The following PKHD1L1 variants were observed in gnomAD, a reference collection of about 807,000 sequenced individuals.
PKHD1L1 encodes fibrocystin-L.
PKHD1L1 carries 434 observed loss-of-function variants against 462.9 expected under a neutral mutation model. The observed-to-expected ratio is 0.94, with a 90% CI of 0.87 to 1.02. The LOEUF is 1.02. PKHD1L1 is among the 50% of genes least tolerant of loss of function. The pLI, the probability that PKHD1L1 is intolerant of heterozygous loss-of-function variation, is 0.00. For missense variants in PKHD1L1, 5,202 were observed against 5,096.1 expected, an observed-to-expected ratio of 1.02 and a Z score of -0.63; for synonymous variants, 1,781 against 1,750.0, an observed-to-expected ratio of 1.02 and a Z score of -0.44.
At chr8:109,398,597 A>AAT in intron 12 of PKHD1L1, 49 bp downstream of exon 12, 1 of 750,672 alleles carries the variant, frequency 1.3e-6, no homozygotes, top group Non-Finnish European at 2.0e-6. Flanking sequence ...ACATAAAAAG[A>AAT]ATATATTAGT....
Position 109,464,255 on chromosome 8 carries a change from C to T in PKHD1L1, c.7423C>T (p.Pro2475Ser), listed in dbSNP as rs2130829215. The T allele has an allele frequency of 1.2e-6, 2 of 1,611,088 alleles. No individual in the cohort carries two copies. The highest frequency in any genetic ancestry group is 8.5e-7 in the Non-Finnish European group (1 of 1,177,872). ...AGQAFRLGRY[P>S]IHWHLLGDLQ... The stretch of plus-strand genomic sequence containing the variant: ...CCAGGCTTTCCGGTTGGGGCGATAT[C>T]CAATACATTGGCACCTGCTTGGAGA... Residue 2475 changes from proline (P) to serine (S), a missense_variant, in exon 49 of 78, where the codon CCA becomes TCA. Physicochemically the swap from Pro to Ser is moderately conservative, Grantham distance 74. Coordinates refer to ENST00000378402, the MANE Select transcript of PKHD1L1 (RefSeq NM_177531.6).
intron 36 of PKHD1L1, 47 bp from the exon 37 acceptor site, chr8:109,443,629 T>G (rs1040536035): frequency 1.4e-6 from 2 of 1,387,786 alleles, no homozygotes; most frequent in Non-Finnish European, 2.0e-6. Context: ...ACAGTTATCA[T>G]TTTGGAATGT....
chr8:109,405,398 A>G (rs546893529), intron 16 of PKHD1L1, among the ~76,000 whole-genome samples: 9 of 152,268 alleles, frequency 5.9e-5, no homozygotes, highest in African/African-American at 2.2e-4. Flanking sequence ...TATATTTGCT[A>G]CTCATAGGTG....
chr8:109,483,145 A>T (rs1378021360), intron 57 of PKHD1L1, 40 bp downstream of exon 57: 1 of 1,413,902 alleles, frequency 7.1e-7, no homozygotes, highest in East Asian at 2.6e-5. Context: ...GAATATACAC[A>T]GTGGGTCAGC....
intron 77 of PKHD1L1, 84 bp downstream of exon 77, chr8:109,527,104 G>C: frequency 8.7e-7 from 1 of 1,143,614 alleles, no homozygotes; most frequent in Non-Finnish European, 1.2e-6. Flanking sequence ...CACAGCTCTT[G>C]TGCATGATAT....
At chr8:109,441,516 C>T in intron 34 of PKHD1L1, 137 bp downstream of exon 34, 1 of 632,458 alleles carries the variant, frequency 1.6e-6, no homozygotes, top group South Asian at 2.3e-5. Context: ...GCAGTAACTG[C>T]TTGACATAGA....
intron 35 of PKHD1L1, 124 bp from the exon 36 acceptor site, chr8:109,442,822 C>T (rs1815879105): frequency 2.3e-6 from 2 of 879,456 alleles, no homozygotes; most frequent in South Asian, 1.9e-5. Flanking sequence ...ATTTCATACA[C>T]ATGAAAAATA....
rs192228152 is a variant in PKHD1L1, at chr8:109,427,812, G to A, written c.3000+656G>A. On this transcript the variant is annotated intron_variant, in intron 25 of 77. Transcript: ENST00000378402. ...AGGCTGAGGCAGGTGGATCACAGGA[G>A]TTCGAGATGAGCCTGACCAACATGG... is the stretch of plus-strand genomic sequence containing the variant. 7.9e-5 allele frequency among the ~76,000 whole-genome samples: 12 copies of A among 152,018 alleles called. No individual in the cohort carries two copies. The East Asian group carries it at 2.3e-3, about 29-fold the overall frequency.
In PKHD1L1 at chr8:109,378,629, A is replaced by G. The variant is rs113798295; in HGVS notation, c.164-2741A>G. On this transcript the variant is annotated intron_variant, in intron 2 of 77. Transcript: ENST00000378402. ...TGGTATCACCTCTGACTTCAGTCATAAATGCTGCAAAGTGGCCCTAAGGCT... is the reference window on the plus strand; with the variant it reads ...TGGTATCACCTCTGACTTCAGTCATGAATGCTGCAAAGTGGCCCTAAGGCT... Among the ~76,000 whole-genome samples, 1,278 of 152,330 alleles carry G rather than the reference A, an allele frequency of 8.4e-3. 23 individuals are homozygous for G. The highest frequency in any genetic ancestry group is 0.03 in the African/African-American group (1,231 of 41,566).
chr8:109,383,546 A>C (rs2130435420), intron 4 of PKHD1L1, among the ~76,000 whole-genome samples: 1 of 146,130 alleles, frequency 6.8e-6, no homozygotes, highest in Admixed American at 7.3e-5. Flanking sequence ...TCAATTACTG[A>C]GTAGTACAAT....
At chr8:109,414,932 C>A (rs1814055843) in intron 21 of PKHD1L1, among the ~76,000 whole-genome samples, 1 of 151,068 alleles carries the variant, frequency 6.6e-6, no homozygotes, top group Admixed American at 6.6e-5. Flanking sequence ...TCTGCAATTT[C>A]AATTGTCCTG....
intron 30 of PKHD1L1, among the ~76,000 whole-genome samples, chr8:109,438,123 C>A (rs1815543213): frequency 6.6e-6 from 1 of 152,080 alleles, no homozygotes; most frequent in South Asian, 2.1e-4. Flanking sequence ...ACTACTATGT[C>A]ATGTAACTTT....
rs780723916 is a variant in PKHD1L1 at position 109,441,880 on chromosome 8, G to A, written c.4205-127G>A. The A allele has an allele frequency of 3.3e-4, 215 of 646,480 alleles. 1 individual carries two copies. Among genetic ancestry groups the A allele is most frequent in the Non-Finnish European group, 4.4e-4 (192 of 436,756 alleles). 40.0% of individuals were successfully genotyped at this position (646,480 alleles called of 1,614,324 possible). A position where few individuals can be genotyped will look rare whatever the true frequency, so the allele number is the denominator to read the frequency against. On this transcript the variant is annotated intron_variant, in intron 34 of 77. Transcript: ENST00000378402. Reference sequence around the variant, plus strand: ...TTTGTTAAGTGCTTAAATTATGTAAGTAATTAAGTTTTAGTGTTGATTAAA... The same window carrying A: ...TTTGTTAAGTGCTTAAATTATGTAAATAATTAAGTTTTAGTGTTGATTAAA...
In PKHD1L1 at chr8:109,449,341, G is replaced by T; in HGVS notation, c.6029G>T (p.Ser2010Ile). The change falls in exon 40 of 78, where the codon AGC becomes ATC. Residue 2010 changes from serine (S) to isoleucine (I), a missense_variant. Coordinates refer to ENST00000378402, the MANE Select transcript of PKHD1L1 (RefSeq NM_177531.6). The stretch of plus-strand genomic sequence containing the variant: ...CCTTTTTATTTGTCTTCACTAGGGA[G>T]CTTTGGTGGGGGTCAAACCATGACT... ...NIQNINPSQG[S>I]FGGGQTMTVT... 6.4e-7 allele frequency: 1 copy of T among 1,570,560 alleles called. No homozygotes were observed. The highest frequency in any genetic ancestry group is 1.9e-5 in the Admixed American group (1 of 53,494).
chr8:109,457,510 A>G (rs1194296221), intron 46 of PKHD1L1, among the ~76,000 whole-genome samples: 4 of 152,156 alleles, frequency 2.6e-5, no homozygotes, highest in Non-Finnish European at 5.9e-5. Flanking sequence ...TGTGTCATTG[A>G]TAAATCCTAT....
At position 109,449,353 on chromosome 8, in the gene PKHD1L1, G is replaced by T; in HGVS notation, c.6041G>T (p.Gly2014Val). The T allele has an allele frequency of 1.3e-6, 2 of 1,574,464 alleles. No homozygotes were observed. Among genetic ancestry groups the T allele is most frequent in the Non-Finnish European group, 1.7e-6 (2 of 1,158,612 alleles). ...INPSQGSFGG[G>V]QTMTVTGTGF... ...TCTTCACTAGGGAGCTTTGGTGGGG[G>T]TCAAACCATGACTGTGACAGGCACC... The change falls in exon 40 of 78, where the codon GGT becomes GTT. Residue 2014 changes from glycine (G) to valine (V), a missense_variant. Gly to Val is a moderately radical substitution (Grantham distance 109, BLOSUM62 -3). Coordinates refer to ENST00000378402, the MANE Select transcript of PKHD1L1 (RefSeq NM_177531.6).
chr8:109,390,659 T>A (rs1812669328), intron 9 of PKHD1L1, among the ~76,000 whole-genome samples, 165 bp downstream of exon 9: 1 of 152,236 alleles, frequency 6.6e-6, no homozygotes, highest in Non-Finnish European at 1.5e-5. Flanking sequence ...TCACAATTTA[T>A]GCTTCATACA....
chr8:109,483,625 A>G (rs949095122), intron 57 of PKHD1L1, among the ~76,000 whole-genome samples: 5 of 150,386 alleles, frequency 3.3e-5, no homozygotes, highest in African/African-American at 1.2e-4. Context: ...TATATTAGTC[A>G]TATTAGTCAT....
At chr8:109,378,867 G>A (rs991768195) in intron 2 of PKHD1L1, among the ~76,000 whole-genome samples, 1 of 152,166 alleles carries the variant, frequency 6.6e-6, no homozygotes, top group African/African-American at 2.4e-5. Flanking sequence ...CATATGAAGG[G>A]ACTCATAATA....
Sources: gnomAD v4.1 joint callset for allele counts (sites outside exome capture counted in the v4.1 genomes callset) on GRCh38, gnomAD v4.1.1 for gene constraint, MANE v1.5 for transcripts, NCBI Gene and HGNC (gene_info 2026-07-23, HGNC 2026-07-21) for gene names.